The following MYOF variants were observed in gnomAD, a reference collection of about 807,000 sequenced individuals.
The protein encoded by MYOF is fer-1-like 3, myoferlin.
A neutral mutation model predicts 284.2 loss-of-function variants in MYOF; 244 were observed. The ratio of observed to expected loss-of-function variants is 0.86; its 90% confidence interval spans 0.77 to 0.95. The LOEUF is 0.95. MYOF is among the 40% of genes least tolerant of loss of function. The pLI is 0.00. For synonymous variants in MYOF, 904 were observed against 919.7 expected (o/e 0.98, Z 0.31); for missense variants, 2,496 against 2,560.6 (o/e 0.97, Z 0.54).
intron 3 of MYOF, among the ~76,000 whole-genome samples, chr10:93,435,758 T>A (rs1185270753): frequency 6.6e-6 from 1 of 151,974 alleles, no homozygotes; most frequent in African/African-American, 2.4e-5. Context: ...TCCAAGGAGC[T>A]CCAGACCAGC....
At chr10:93,442,041 C>CACACACAG (rs57700900) in intron 3 of MYOF, among the ~76,000 whole-genome samples, 10 of 142,738 alleles carry the variant, frequency 7.0e-5, no homozygotes, top group African/African-American at 2.3e-4. Flanking sequence ...CACACACACA[C>CACACACAG]AGAATAAACC....
intron 43 of MYOF, among the ~76,000 whole-genome samples, chr10:93,331,576 C>CT (rs2133806700): frequency 6.6e-6 from 1 of 152,236 alleles, no homozygotes; most frequent in African/African-American, 2.4e-5. Context: ...CCCTGCGTGC[C>CT]TTTTCCTGTC....
At chr10:93,318,046 G>C (rs1006730059) in intron 49 of MYOF, among the ~76,000 whole-genome samples, 2 of 152,088 alleles carry the variant, frequency 1.3e-5, no homozygotes, top group Non-Finnish European at 2.9e-5. Context: ...CCTAGATGTG[G>C]GTAAACAGGA....
chr10:93,423,901 G>A (rs113545896), intron 5 of MYOF, among the ~76,000 whole-genome samples: 8 of 151,524 alleles, frequency 5.3e-5, no homozygotes, highest in Non-Finnish European at 1.0e-4. Flanking sequence ...AGCCACTCAG[G>A]AGCTATATCC....
At position 93,369,110 on chromosome 10, in the gene MYOF, C is replaced by CTTTTTTTTT. The variant is rs66923086; in HGVS notation, c.2589+526_2589+534dup. 1.9e-3 allele frequency among the ~76,000 whole-genome samples: 152 copies of CTTTTTTTTT among 78,302 alleles called. 13 individuals carry two copies. The highest frequency in any genetic ancestry group is 9.8e-3 in the Middle Eastern group (1 of 102). The allele number at this position is 78,302 out of a possible 152,430, so 51.4% of individuals were successfully genotyped here. On this transcript the variant is annotated intron_variant, in intron 25 of 53. Coordinates refer to ENST00000359263, the MANE Select transcript of MYOF (RefSeq NM_013451.4). ...TATTGTTTTAGAAGTATTCAGACAG[C>CTTTTTTTTT]TTTTTTTTTTTTTTTTTTTTTTGCC...
chr10:93,426,126 C>G lies in MYOF; in HGVS notation c.378G>C (p.Pro126=). Residue 126 remains proline, a synonymous_variant, in exon 5 of 54, where the codon CCG becomes CCC. Transcript: ENST00000359263. ...ATIDLVIGYD[P]PSAPHPNDLS... ...GGTCATTTGGATGTGGAGCAGAAGG[C>G]GGATCATAGCCGATCACCAAGTCAA... The G allele has an allele frequency of 6.4e-7, 1 of 1,560,842 alleles. No homozygotes were observed. Among genetic ancestry groups the G allele is most frequent in the South Asian group, 1.2e-5 (1 of 84,734 alleles).
intron 20 of MYOF, 78 bp downstream of exon 20, chr10:93,381,141 G>T: frequency 6.9e-7 from 1 of 1,449,132 alleles, no homozygotes; most frequent in Non-Finnish European, 9.6e-7. Flanking sequence ...GTGCCAGAGG[G>T]AAGACACAGT....
chr10:93,382,089 A>G (rs1846148912), intron 19 of MYOF, among the ~76,000 whole-genome samples: 1 of 152,214 alleles, frequency 6.6e-6, no homozygotes, highest in Non-Finnish European at 1.5e-5. Context: ...TTTAATATTC[A>G]TAAAGGCATA....
chr10:93,440,620 G>C (rs972106432), intron 3 of MYOF, among the ~76,000 whole-genome samples: 2 of 152,160 alleles, frequency 1.3e-5, no homozygotes, highest in East Asian at 3.8e-4. Context: ...CCAGTGTCTA[G>C]AGCTGTGTCT....
rs1229987033 is a variant in MYOF, at chr10:93,374,937, T to C, written c.2127A>G (p.Thr709=). The change falls in exon 23 of 54, where the codon ACA becomes ACG. Residue 709 remains threonine (T), a synonymous_variant. Transcript: ENST00000359263. Reference sequence around the variant, plus strand: ...GAACTGTGACGTTGGCTTTTCCTTCTGTGAGAGGCAACGTGTATCTAGAAA... The same window carrying C: ...GAACTGTGACGTTGGCTTTTCCTTCCGTGAGAGGCAACGTGTATCTAGAAA... ...IEDTRYTLPL[T]EGKANVTVLD... The C allele has an allele frequency of 1.9e-6, 3 of 1,613,032 alleles. No individual in the cohort carries two copies. Among genetic ancestry groups the C allele is most frequent in the Admixed American group, 3.3e-5 (2 of 59,756 alleles).
chr10:93,471,599 G>T (rs562281431), intron 1 of MYOF, among the ~76,000 whole-genome samples: 1 of 152,108 alleles, frequency 6.6e-6, no homozygotes, highest in Non-Finnish European at 1.5e-5. Flanking sequence ...TCCTAAAAAC[G>T]AAATGAAGGC....
At chr10:93,415,293 C>T (rs535537192) in intron 5 of MYOF, among the ~76,000 whole-genome samples, 3 of 152,360 alleles carry the variant, frequency 2.0e-5, no homozygotes, top group African/African-American at 7.2e-5. Context: ...TTCACCTCTG[C>T]ACCCAGCCAG....
rs1842310737 is a variant in MYOF, at chr10:93,310,022, G to C, written c.6145C>G (p.Pro2049Ala). 1 of 1,613,962 alleles carries C rather than the reference G, an allele frequency of 6.2e-7. No homozygotes were observed. Among genetic ancestry groups the C allele is most frequent in the African/African-American group, 1.3e-5 (1 of 74,904 alleles). ...AGGGGCCAAGGAAGGGCTCCTACCGGCAAAGAGTAGAGGAGCACGGCCACG... is the reference window on the plus strand; with the variant it reads ...AGGGGCCAAGGAAGGGCTCCTACCGCCAAAGAGTAGAGGAGCACGGCCACG... ...LFVAVLLYSL[P>A]NYLSMKIVKP... The change falls in exon 53 of 54, where the codon CCG becomes GCG. Residue 2049 changes from proline to alanine, a missense_variant and splice_region_variant. This residue lies in a region of MYOF where 2,436 missense variants were observed against 2,480.7 expected (regional missense o/e 0.98). Coordinates refer to ENST00000359263, the MANE Select transcript of MYOF (RefSeq NM_013451.4).
intron 5 of MYOF, among the ~76,000 whole-genome samples, chr10:93,416,454 C>A (rs1848125053): frequency 6.6e-6 from 1 of 151,982 alleles, no homozygotes; most frequent in South Asian, 2.1e-4. Flanking sequence ...AGCCCAGAGG[C>A]AGAGGTTGCA....
At chr10:93,477,392 T>C (rs1160854024) in intron 1 of MYOF, among the ~76,000 whole-genome samples, 2 of 151,702 alleles carry the variant, frequency 1.3e-5, no homozygotes, top group Admixed American at 1.3e-4. Context: ...CTCGGGAGAC[T>C]GAGGCAGGAG....
rs182000042 is a variant in MYOF, at chr10:93,393,292, C to T, written c.1418-337G>A. Reference sequence around the variant, plus strand: ...TTTAATAAAACATTTACTTATCTTACGGCTTAGTTGGGACCAACATCAGAA... The same window carrying T: ...TTTAATAAAACATTTACTTATCTTATGGCTTAGTTGGGACCAACATCAGAA... On this transcript the variant is annotated intron_variant, in intron 16 of 53. Transcript: ENST00000359263. Among the ~76,000 whole-genome samples, 168 of 152,304 alleles carry T rather than the reference C, an allele frequency of 1.1e-3. 1 individual carries two copies. Among genetic ancestry groups the T allele is most frequent in the African/African-American group, 3.8e-3 (159 of 41,572 alleles).
intron 2 of MYOF, among the ~76,000 whole-genome samples, chr10:93,452,934 G>A (rs1199250070): frequency 6.6e-6 from 1 of 151,888 alleles, no homozygotes; most frequent in Non-Finnish European, 1.5e-5. Flanking sequence ...TTTTAATGCA[G>A]TAAGTTGCTT....
At chr10:93,369,516 T>C (rs764797218) in intron 25 of MYOF, 129 bp downstream of exon 25, 19 of 1,314,556 alleles carry the variant, frequency 1.4e-5, no homozygotes, top group Non-Finnish European at 1.9e-5. Context: ...ATCCCTTCGA[T>C]GGGATTTTAG....
At position 93,333,901 on chromosome 10, in the gene MYOF, T is replaced by A. The variant is rs1393494862; in HGVS notation, c.4576A>T (p.Ile1526Phe). 1.9e-6 allele frequency: 3 copies of A among 1,613,792 alleles called. No homozygotes were observed. The African/African-American group carries it at 4.0e-5, about 22-fold the overall frequency. ...CTGGGGTCATCCGGCAGAGGGTAGA[T>A]CCGAAAGGAGCCCTAAAAGAGAGAG... ...VVGEFKGSFR[I>F]YPLPDDPSVP... is the part of the protein sequence containing the mutation. The change falls in exon 42 of 54, where the codon ATC becomes TTC. Residue 1526 changes from isoleucine (I) to phenylalanine (F), a missense_variant. By Grantham distance (21) the Ile-to-Phe change is conservative. Coordinates refer to ENST00000359263, the MANE Select transcript of MYOF (RefSeq NM_013451.4).
Sources: gnomAD v4.1 joint callset for allele counts (sites outside exome capture counted in the v4.1 genomes callset) on GRCh38, gnomAD v4.1.1 for gene constraint, gnomAD v4.1.1 regional missense constraint, MANE v1.5 for transcripts, NCBI Gene and HGNC (gene_info 2026-07-23, HGNC 2026-07-21) for gene names.